HECW1: variants seen among roughly 807,000 people sequenced by gnomAD.
HECW1 encodes the protein E3 ubiquitin-protein ligase HECW1.
HECW1 carries 61 observed loss-of-function variants against 182.3 expected under a neutral mutation model. The observed-to-expected ratio is 0.33, with a 90% confidence interval of 0.27 to 0.41. The LOEUF is 0.41. Ranked by LOEUF, HECW1 falls within the 10% of genes least tolerant of loss-of-function variation. The pLI is 1.00. For missense variants in HECW1, 1,739 were observed against 2,108.9 expected (o/e 0.82, Z 3.44); for synonymous variants, 859 against 832.6 (o/e 1.03, Z -0.55).
intron 6 of HECW1, among the ~76,000 whole-genome samples, chr7:43,371,178 C>T (rs1268128240): frequency 3.9e-5 from 6 of 152,214 alleles, no homozygotes; most frequent in South Asian, 2.1e-4. Flanking sequence ...TGAGCCACCA[C>T]GCCTGGCCAA....
intron 26 of HECW1, among the ~76,000 whole-genome samples, chr7:43,550,084 C>T (rs923487168): frequency 3.3e-5 from 5 of 149,884 alleles, no homozygotes; most frequent in Admixed American, 2.7e-4. Flanking sequence ...CTAGCCTGGG[C>T]AACATAGACC....
intron 6 of HECW1, among the ~76,000 whole-genome samples, chr7:43,370,814 G>T (rs1189269305): frequency 2.0e-5 from 3 of 151,616 alleles, no homozygotes; most frequent in Non-Finnish European, 4.4e-5. Context: ...CAGTAAAAAA[G>T]ATCAGTGGTT....
chr7:43,151,879 G>A (rs1789369560), intron 2 of HECW1, among the ~76,000 whole-genome samples: 1 of 152,058 alleles, frequency 6.6e-6, no homozygotes, highest in Non-Finnish European at 1.5e-5. Context: ...GAGGTTGCTG[G>A]TGAAAATTTC....
chr7:43,509,287 C>A, intron 24 of HECW1, 166 bp downstream of exon 24: 1 of 579,246 alleles, frequency 1.7e-6, no homozygotes, highest in Non-Finnish European at 2.9e-6. Context: ...TTAGTCTTCA[C>A]CCAGAACACA....
intron 2 of HECW1, among the ~76,000 whole-genome samples, chr7:43,150,744 G>T (rs369402221): frequency 1.3e-5 from 2 of 152,152 alleles, no homozygotes; most frequent in Non-Finnish European, 2.9e-5. Flanking sequence ...GTGATCCTCC[G>T]CCCAGTACAG....
intron 5 of HECW1, among the ~76,000 whole-genome samples, chr7:43,338,628 T>C (rs940814376): frequency 6.6e-6 from 1 of 152,196 alleles, no homozygotes; most frequent in Non-Finnish European, 1.5e-5. Context: ...TTTGGTAAAA[T>C]TCTTGCTGAA....
chr7:43,187,909 A>G (rs375897153), intron 2 of HECW1, among the ~76,000 whole-genome samples: 1 of 152,206 alleles, frequency 6.6e-6, no homozygotes, highest in Non-Finnish European at 1.5e-5. Flanking sequence ...ATTTTTTCAC[A>G]TGTGCAACCA....
At chr7:43,374,799 A>AAAAAAAAAAAAAAAAAAAAAAAC (rs1303274874) in intron 6 of HECW1, among the ~76,000 whole-genome samples, 1 of 54,074 alleles carries the variant, frequency 1.8e-5, no homozygotes, top group Non-Finnish European at 3.0e-5. Context: ...AAAAAAAAAA[A>AAAAAAAAAAAAAAAAAAAAAAAC]ATAGAGAAAT....
At chr7:43,129,138 G>A in intron 2 of HECW1, among the ~76,000 whole-genome samples, 1 of 152,190 alleles carries the variant, frequency 6.6e-6, no homozygotes, top group Non-Finnish European at 1.5e-5. Flanking sequence ...GGGTTTAAGA[G>A]GATTGACTCC....
At chr7:43,187,513 T>C (rs994819604) in intron 2 of HECW1, among the ~76,000 whole-genome samples, 1 of 151,044 alleles carries the variant, frequency 6.6e-6, no homozygotes, top group African/African-American at 2.5e-5. Flanking sequence ...TATCTATATT[T>C]TATTCTTTTA....
intron 17 of HECW1, among the ~76,000 whole-genome samples, chr7:43,482,713 C>T (rs1200000625): frequency 6.6e-6 from 1 of 152,082 alleles, no homozygotes; most frequent in African/African-American, 2.4e-5. Context: ...TGCAACCAGT[C>T]TGGGCAGCAT....
intron 24 of HECW1, 93 bp downstream of exon 24, chr7:43,509,214 G>T: frequency 7.9e-7 from 1 of 1,262,020 alleles, no homozygotes. Flanking sequence ...ACTGTGTTTA[G>T]AGCAGTGGCC....
chr7:43,307,535 T>C (rs1174768456), intron 3 of HECW1, among the ~76,000 whole-genome samples: 1 of 152,132 alleles, frequency 6.6e-6, no homozygotes, highest in Non-Finnish European at 1.5e-5. Context: ...GGAATCACTG[T>C]CTAGGAAGAC....
intron 2 of HECW1, among the ~76,000 whole-genome samples, chr7:43,212,801 C>A (rs555189151): frequency 6.6e-6 from 1 of 152,216 alleles, no homozygotes; most frequent in African/African-American, 2.4e-5. Context: ...TTAAAATGTA[C>A]ATTAACACAT....
At chr7:43,182,028 C>G (rs1357509124) in intron 2 of HECW1, among the ~76,000 whole-genome samples, 2 of 152,076 alleles carry the variant, frequency 1.3e-5, no homozygotes, top group Non-Finnish European at 2.9e-5. Flanking sequence ...TCGTGATCTA[C>G]CTGCCTTGGC....
intron 2 of HECW1, among the ~76,000 whole-genome samples, chr7:43,174,015 T>C (rs1442444909): frequency 6.6e-6 from 1 of 152,008 alleles, no homozygotes; most frequent in Non-Finnish European, 1.5e-5. Context: ...TTTTTTAAAA[T>C]TTTCTTGTAG....
At chr7:43,399,090 A>G (rs181572550) in intron 7 of HECW1, among the ~76,000 whole-genome samples, 1 of 152,362 alleles carries the variant, frequency 6.6e-6, no homozygotes, top group Non-Finnish European at 1.5e-5. Flanking sequence ...CTCCAGCTAT[A>G]TGACTCCTAA....
intron 2 of HECW1, among the ~76,000 whole-genome samples, chr7:43,114,911 ACTCT>A (rs1784921658): frequency 6.6e-6 from 1 of 151,898 alleles, no homozygotes; most frequent in African/African-American, 2.4e-5. Flanking sequence ...TTCCTTTTAC[ACTCT>A]GGCTTTTAAA....
At chr7:43,469,964 C>T (rs757371820) in intron 16 of HECW1, among the ~76,000 whole-genome samples, 4 of 152,188 alleles carry the variant, frequency 2.6e-5, no homozygotes, top group African/African-American at 4.8e-5. Context: ...GAGTCTCTCT[C>T]CTATAAACCC....
Sources: gnomAD v4.1 joint callset for allele counts (sites outside exome capture counted in the v4.1 genomes callset) on GRCh38, gnomAD v4.1.1 for gene constraint, MANE v1.5 for transcripts, NCBI Gene and HGNC (gene_info 2026-07-23, HGNC 2026-07-21) for gene names.